ZNF831: variants seen among roughly 807,000 people sequenced by gnomAD.
ZNF831 encodes the protein zinc finger protein 831, also known as chromosome 20 open reading frame 174.
A neutral mutation model predicts 95.8 loss-of-function variants in ZNF831; 59 were observed. The ratio of observed to expected loss-of-function variants is 0.62; its 90% CI spans 0.50 to 0.77. The LOEUF is 0.77. Among genes scored for constraint, ZNF831 ranks in the 30% least tolerant of loss-of-function variants. The pLI is 0.00. For synonymous variants in ZNF831, 961 were observed against 925.5 expected, an observed-to-expected ratio of 1.04 and a Z score of -0.70; for missense variants, 2,205 against 2,164.0, an observed-to-expected ratio of 1.02 and a Z score of -0.38.
At chr20:59,166,970 A>C (rs886740945) in intron 1 of ZNF831, among the ~76,000 whole-genome samples, 4 of 152,234 alleles carry the variant, frequency 2.6e-5, no homozygotes, top group African/African-American at 9.6e-5. Context: ...GTTGAATAAT[A>C]GTCCCATGTT....
At chr20:59,172,945 G>C (rs1981860612) in intron 1 of ZNF831, among the ~76,000 whole-genome samples, 1 of 152,174 alleles carries the variant, frequency 6.6e-6, no homozygotes, top group African/African-American at 2.4e-5. Flanking sequence ...TGTCTCCTTG[G>C]GCCATGCTGA....
At chr20:59,238,693 C>T (rs1383819818) in intron 4 of ZNF831, among the ~76,000 whole-genome samples, 1 of 152,216 alleles carries the variant, frequency 6.6e-6, no homozygotes, top group South Asian at 2.1e-4. Flanking sequence ...TTAGAAAATA[C>T]ACCCAGAAGC....
intron 3 of ZNF831, among the ~76,000 whole-genome samples, chr20:59,204,229 T>C (rs1207787867): frequency 6.6e-6 from 1 of 152,248 alleles, no homozygotes; most frequent in Non-Finnish European, 1.5e-5. Flanking sequence ...TTTTTCCTTA[T>C]GGAGCGGATG....
intron 1 of ZNF831, among the ~76,000 whole-genome samples, chr20:59,128,910 C>T (rs992253549): frequency 3.3e-5 from 5 of 152,232 alleles, no homozygotes; most frequent in Admixed American, 6.5e-5. Context: ...TATAGGCGCC[C>T]GCCACCACAC....
intron 4 of ZNF831, among the ~76,000 whole-genome samples, chr20:59,230,546 C>G (rs1986668192): frequency 6.6e-6 from 1 of 151,978 alleles, no homozygotes. Flanking sequence ...TTCAATAAAA[C>G]TTTATTTAAA....
intron 1 of ZNF831, among the ~76,000 whole-genome samples, chr20:59,185,382 C>G (rs1239709797): frequency 6.6e-6 from 1 of 152,124 alleles, no homozygotes; most frequent in Non-Finnish European, 1.5e-5. Context: ...ACATAGCGCT[C>G]TTTTCCTGGC....
upstream of ZNF831, among the ~76,000 whole-genome samples, chr20:59,161,793 G>A (rs1053323492): frequency 4.6e-5 from 7 of 150,654 alleles, no homozygotes. Flanking sequence ...TGAGATTGCT[G>A]GGTCGAATGG....
intron 3 of ZNF831, among the ~76,000 whole-genome samples, chr20:59,197,050 G>A (rs1240454081): frequency 2.0e-5 from 3 of 151,812 alleles, no homozygotes; most frequent in Non-Finnish European, 4.4e-5. Flanking sequence ...GCCTCCCAAA[G>A]TGCTGGGATT....
chr20:59,186,655 T>C (rs1373799888), intron 1 of ZNF831, among the ~76,000 whole-genome samples: 2 of 152,194 alleles, frequency 1.3e-5, no homozygotes. Flanking sequence ...AGTAGAAAGG[T>C]TGCAGCGTCT....
rs1983763310 is a variant in ZNF831, at chr20:59,193,223, G to A, written c.2204G>A (p.Gly735Asp). 6.3e-7 allele frequency: 1 copy of A among 1,594,188 alleles called. No individual in the cohort carries two copies. The highest frequency in any genetic ancestry group is 8.5e-7 in the Non-Finnish European group (1 of 1,170,244). Reference protein sequence around the residue: ...VEEAVSSPALGGRDSPCSGSR... With the variant: ...VEEAVSSPALDGRDSPCSGSR... ...GAGGCTGTGTCATCCCCTGCACTGGGTGGCAGAGACAGTCCCTGTTCAGGC... is the reference window on the plus strand; with the variant it reads ...GAGGCTGTGTCATCCCCTGCACTGGATGGCAGAGACAGTCCCTGTTCAGGC... Residue 735 changes from glycine (G) to aspartate (D), a missense_variant, in exon 2 of 6, where the codon GGT (glycine) becomes GAT (aspartate). Gly to Asp is a moderately conservative substitution (Grantham distance 94). Transcript: ENST00000371030.
intron 4 of ZNF831, among the ~76,000 whole-genome samples, chr20:59,231,199 G>A (rs184869243): frequency 1.3e-5 from 2 of 152,328 alleles, no homozygotes; most frequent in Non-Finnish European, 1.5e-5. Flanking sequence ...TAGCTGTAAG[G>A]AAACCTGGGA....
chr20:59,221,364 G>A (rs979192609), intron 4 of ZNF831, among the ~76,000 whole-genome samples: 1 of 152,160 alleles, frequency 6.6e-6, no homozygotes, highest in Non-Finnish European at 1.5e-5. Flanking sequence ...TGACGAAACT[G>A]GAATAATCCT....
chr20:59,142,438 T>C (rs1455798181), intron 1 of ZNF831, among the ~76,000 whole-genome samples: 1 of 152,230 alleles, frequency 6.6e-6, no homozygotes, highest in Non-Finnish European at 1.5e-5. Flanking sequence ...CTGGTTTGTG[T>C]TCTCTTCTTC....
chr20:59,239,514 A>G (rs1031065932), intron 4 of ZNF831, among the ~76,000 whole-genome samples: 1 of 148,622 alleles, frequency 6.7e-6, no homozygotes, highest in Non-Finnish European at 1.5e-5. Flanking sequence ...TTCATTTTAC[A>G]TCCTTGATTT....
chr20:59,159,720 C>T (rs748198256), upstream of ZNF831: 13 of 152,298 alleles, frequency 8.5e-5, no homozygotes, highest in Non-Finnish European at 1.9e-4. Flanking sequence ...AACCAAACCC[C>T]AAGAGGGAAC....
intron 4 of ZNF831, among the ~76,000 whole-genome samples, chr20:59,207,656 C>T (rs138587285): frequency 7.8e-4 from 119 of 152,354 alleles, no homozygotes; most frequent in Admixed American, 5.8e-3. Context: ...GCAAATGGCT[C>T]AACTTCTCTG....
intron 4 of ZNF831, among the ~76,000 whole-genome samples, chr20:59,247,097 G>A (rs151179077): frequency 3.0e-4 from 45 of 152,300 alleles, no homozygotes; most frequent in African/African-American, 9.9e-4. Flanking sequence ...AGAAACTTTA[G>A]CATAACGTCA....
chr20:59,217,309 G>A lies in ZNF831; in HGVS notation c.4027+10253G>A, dbSNP rs1239003667. Among the ~76,000 whole-genome samples the A allele has an allele frequency of 6.6e-6, 1 of 152,254 alleles. No individual in the cohort carries two copies. Among genetic ancestry groups the A allele is most frequent in the Non-Finnish European group, 1.5e-5 (1 of 68,038 alleles). On this transcript the variant is annotated intron_variant, in intron 4 of 5. Coordinates refer to ENST00000371030, the MANE Select transcript of ZNF831 (RefSeq NM_178457.3). The surrounding 1 kb of genome is among the most constrained non-coding windows in gnomAD (Gnocchi z 4.4). ...TAGCTCTGTCTCAACTTCCTGAGCA[G>A]GGACAGAGTCCCTCTGGGTGGGAAT...
At chr20:59,198,205 C>T (rs1984264408) in intron 3 of ZNF831, among the ~76,000 whole-genome samples, 1 of 152,188 alleles carries the variant, frequency 6.6e-6, no homozygotes, top group African/African-American at 2.4e-5. Flanking sequence ...CCTTGCAAAC[C>T]CACTAGCAGC....
Sources: allele counts gnomAD v4.1 joint callset (sites outside exome capture counted in the v4.1 genomes callset), GRCh38; gene constraint gnomAD v4.1.1; non-coding constraint Gnocchi (gnomAD v3.1); transcripts MANE v1.5; gene names NCBI Gene and HGNC (gene_info 2026-07-23, HGNC 2026-07-21).